XKR4: variants seen among roughly 807,000 people sequenced by gnomAD.
The protein encoded by XKR4 is XK related 4, also known as XK-related protein 4.
In XKR4, 12 loss-of-function variants were observed where a neutral mutation model predicts 53.9. The ratio of observed to expected loss-of-function variants is 0.22; its 90% CI spans 0.14 to 0.36. XKR4 has a LOEUF of 0.36. Among genes scored for constraint, XKR4 ranks in the 10% least tolerant of loss-of-function variants. The probability of loss-of-function intolerance (pLI) is 1.00; values close to 1 mark genes in which losing one functional copy is unlikely to be tolerated. For synonymous variants in XKR4, 354 were observed against 362.4 expected (o/e 0.98, Z 0.26); for missense variants, 799 against 859.5 (o/e 0.93, Z 0.88).
At chr8:55,325,768 T>A (rs1803282643) in intron 1 of XKR4, among the ~76,000 whole-genome samples, 1 of 152,206 alleles carries the variant, frequency 6.6e-6, no homozygotes, top group Admixed American at 6.5e-5. Flanking sequence ...CCAAATGTTA[T>A]CACTGTGAGG....
intron 1 of XKR4, among the ~76,000 whole-genome samples, chr8:55,154,048 T>G (rs1352417978): frequency 6.6e-6 from 1 of 152,150 alleles, no homozygotes; most frequent in Non-Finnish European, 1.5e-5. Context: ...AGGCACAGAT[T>G]AGAGAGTATA....
rs201947489 is a variant in XKR4, at chr8:55,473,791, T to TTTCC, written c.1007-49474_1007-49471dup. Among the ~76,000 whole-genome samples the TTTCC allele has an allele frequency of 2.5e-3, 378 of 151,966 alleles. 4 individuals carry two copies. The highest frequency in any genetic ancestry group is 8.7e-3 in the African/African-American group (362 of 41,372). ...AAACCCAAAGTTACAACAGATTCTC[T>TTTCC]TTCCTTCCTTCCTTCCTTCTTTCCT... On this transcript the variant is annotated intron_variant, in intron 2 of 2. Coordinates refer to ENST00000327381, the MANE Select transcript of XKR4 (RefSeq NM_052898.2).
chr8:55,477,607 C>T lies in XKR4; in HGVS notation c.1007-45674C>T, dbSNP rs186235630. On this transcript the variant is annotated intron_variant, in intron 2 of 2. Transcript: ENST00000327381. ...AAGGCTTCAGATGATCAAACTACTC[C>T]GAGCTACAGGAGGAAATTCAAACCA... Among the ~76,000 whole-genome samples the T allele has an allele frequency of 1.2e-3, 181 of 152,146 alleles. 1 individual carries two copies. The highest frequency in any genetic ancestry group is 4.1e-3 in the African/African-American group (169 of 41,500).
chr8:55,464,930 G>A (rs1805733863), intron 2 of XKR4, among the ~76,000 whole-genome samples: 1 of 151,992 alleles, frequency 6.6e-6, no homozygotes, highest in Non-Finnish European at 1.5e-5. Flanking sequence ...AACTTACAAG[G>A]GATGTGAAGG....
chr8:55,135,191 A>G (rs919001335), intron 1 of XKR4: 1 of 154,232 alleles, frequency 6.5e-6, no homozygotes, highest in Non-Finnish European at 1.4e-5. Context: ...AAAAATCACA[A>G]TTACATTTGC....
chr8:55,317,482 A>G (rs1819494594), intron 1 of XKR4, among the ~76,000 whole-genome samples: 1 of 152,220 alleles, frequency 6.6e-6, no homozygotes, highest in Non-Finnish European at 1.5e-5. Context: ...ATTAGAAAAA[A>G]TAACTCATAC....
chr8:55,506,378 G>T (rs1484666346), intron 2 of XKR4, among the ~76,000 whole-genome samples: 1 of 152,170 alleles, frequency 6.6e-6, no homozygotes, highest in Non-Finnish European at 1.5e-5. Flanking sequence ...CAGCCAGAAG[G>T]AAAAGCTGCA....
chr8:55,300,784 C>G (rs996617495), intron 1 of XKR4, among the ~76,000 whole-genome samples: 1 of 152,058 alleles, frequency 6.6e-6, no homozygotes, highest in Non-Finnish European at 1.5e-5. Context: ...ATCGCCCCAA[C>G]AAAGGTGAAG....
intron 2 of XKR4, among the ~76,000 whole-genome samples, chr8:55,432,836 T>TAGAGG (rs1450572843): frequency 3.3e-5 from 5 of 151,154 alleles, no homozygotes; most frequent in Non-Finnish European, 5.9e-5. Context: ...CCTTCTACAC[T>TAGAGG]AGAGGAGAGG....
intron 2 of XKR4, among the ~76,000 whole-genome samples, chr8:55,396,027 C>G (rs573643771): frequency 5.3e-5 from 8 of 152,222 alleles, no homozygotes; most frequent in Non-Finnish European, 8.8e-5. Context: ...CCTCCTGTCT[C>G]TTTTTATAAG....
intron 1 of XKR4, among the ~76,000 whole-genome samples, chr8:55,168,050 AT>A (rs1817094782): frequency 6.6e-6 from 1 of 152,222 alleles, no homozygotes; most frequent in Non-Finnish European, 1.5e-5. Context: ...GTAGAATAAA[AT>A]ACAACCATGA....
chr8:55,452,718 C>T lies in XKR4; in HGVS notation c.1007-70563C>T. 3 of 1,037,764 alleles carry T rather than the reference C, an allele frequency of 2.9e-6. No homozygotes were observed. In the Admixed American group the frequency reaches 5.1e-5, roughly 18 times the overall value. The allele number at this position is 1,037,764 out of a possible 1,614,324, so 64.3% of individuals were successfully genotyped here. ...GCGGTTGATGAAGTGGACCACAGCC[C>T]CAGCTACATTGCAGGTCTCTCTGTC... On this transcript the variant is annotated intron_variant, in intron 2 of 2. Coordinates refer to ENST00000327381, the MANE Select transcript of XKR4 (RefSeq NM_052898.2).
chr8:55,427,702 C>T (rs1805037926), intron 2 of XKR4, among the ~76,000 whole-genome samples: 1 of 152,212 alleles, frequency 6.6e-6, no homozygotes, highest in African/African-American at 2.4e-5. Flanking sequence ...AAATAGTAGA[C>T]TTTTATTTCA....
intron 2 of XKR4, among the ~76,000 whole-genome samples, chr8:55,520,337 G>C (rs1245321898): frequency 6.6e-6 from 1 of 152,214 alleles, no homozygotes; most frequent in African/African-American, 2.4e-5. Flanking sequence ...TAAAATCCTA[G>C]CACTTTGGGA....
intron 1 of XKR4, among the ~76,000 whole-genome samples, chr8:55,352,668 T>A (rs1158214632): frequency 6.6e-6 from 1 of 152,248 alleles, no homozygotes; most frequent in African/African-American, 2.4e-5. Flanking sequence ...TCACTTTTAT[T>A]ACATTTAATT....
chr8:55,507,647 T>C (rs2448794), intron 2 of XKR4, among the ~76,000 whole-genome samples: 101,897 of 151,758 alleles, frequency 0.67, 34,855 homozygotes, highest in East Asian at 0.86. Flanking sequence ...TGGTTTCCAG[T>C]TTCATCCATG....
intron 2 of XKR4, among the ~76,000 whole-genome samples, chr8:55,466,845 G>A (rs1207452666): frequency 6.6e-6 from 1 of 151,958 alleles, no homozygotes; most frequent in East Asian, 1.9e-4. Flanking sequence ...TTTTTTGTTT[G>A]GATATCTGAT....
chr8:55,379,045 C>T (rs1804192574), intron 2 of XKR4, among the ~76,000 whole-genome samples: 1 of 152,256 alleles, frequency 6.6e-6, no homozygotes, highest in African/African-American at 2.4e-5. Flanking sequence ...TCCAGGTGAA[C>T]CCTCATGAGT....
rs1489917878 is a variant in XKR4, at chr8:55,384,503, AG to A, written c.1006+26630del. Among the ~76,000 whole-genome samples the A allele has an allele frequency of 3.9e-5, 6 of 152,346 alleles. No homozygotes were observed. In the South Asian group the frequency reaches 6.2e-4, roughly 16 times the overall value. ...TCTGAACTGCTGAAATATTTTTACC[AG>A]GGGAGAAAAAAAATAGCCAAACGTT... On this transcript the variant is annotated intron_variant, in intron 2 of 2. Transcript: ENST00000327381.
Sources: gnomAD v4.1 joint callset for allele counts (sites outside exome capture counted in the v4.1 genomes callset) on GRCh38, gnomAD v4.1.1 for gene constraint, MANE v1.5 for transcripts, NCBI Gene and HGNC (gene_info 2026-07-23, HGNC 2026-07-21) for gene names.